IDO1: variants seen among roughly 807,000 people sequenced by gnomAD.
The protein encoded by IDO1 is indolamine 2,3 dioxygenase.
IDO1 carries 35 observed loss-of-function variants against 38.8 expected under a neutral mutation model. The observed-to-expected ratio is 0.90, with a 90% CI of 0.69 to 1.20. The LOEUF (loss-of-function observed/expected upper bound fraction) is 1.20, where lower values mean the gene tolerates loss of function less well. Ranked by LOEUF, IDO1 falls within the 50% of genes most tolerant of loss-of-function variation. The pLI is 0.00. For missense variants in IDO1, 509 were observed against 485.1 expected (o/e 1.05, Z -0.46); for synonymous variants, 171 against 170.0 (o/e 1.01, Z -0.05).
intron 9 of IDO1, among the ~76,000 whole-genome samples, chr8:39,925,901 T>A (rs1416301591): frequency 6.8e-6 from 1 of 148,114 alleles, no homozygotes; most frequent in Non-Finnish European, 1.5e-5. Flanking sequence ...AAATAAAAAA[T>A]AAAAAGCCAG....
At position 39,928,452 on chromosome 8, in the gene IDO1, G is replaced by T. The variant is rs558540924; in HGVS notation, c.*267G>T. The T allele has an allele frequency of 1.9e-4, 53 of 275,660 alleles. 1 individual carries two copies. In the South Asian group the frequency reaches 2.9e-3, roughly 15 times the overall value. 17.1% of individuals were successfully genotyped at this position (275,660 alleles called of 1,614,324 possible). A position where few individuals can be genotyped will look rare whatever the true frequency, so the allele number is the denominator to read the frequency against. On this transcript the variant is annotated 3_prime_UTR_variant, in exon 10 of 10. Coordinates refer to ENST00000518237, the MANE Select transcript of IDO1 (RefSeq NM_002164.6). ...AAAAATGCATAAGATATATTCTGTCGGCTGGGCGCGGTGGCTCACGCCTGT... is the reference window on the plus strand; with the variant it reads ...AAAAATGCATAAGATATATTCTGTCTGCTGGGCGCGGTGGCTCACGCCTGT...
At chr8:39,923,634 TC>T in intron 7 of IDO1, 48 bp downstream of exon 7, 1 of 1,115,048 alleles carries the variant, frequency 9.0e-7, no homozygotes, top group Non-Finnish European at 1.4e-6. Flanking sequence ...AGTCAAATGT[TC>T]CAGGTGTAGA....
intron 6 of IDO1, 160 bp downstream of exon 6, chr8:39,922,811 T>A: frequency 1.6e-6 from 1 of 626,820 alleles, no homozygotes; most frequent in Non-Finnish European, 2.8e-6. Flanking sequence ...TATTTTTGTG[T>A]ATTACCTAAA....
chr8:39,925,173 C>T, intron 8 of IDO1, 50 bp from the exon 9 acceptor site: 2 of 1,497,600 alleles, frequency 1.3e-6, no homozygotes, highest in African/African-American at 2.8e-5. Flanking sequence ...TGAAAATTAG[C>T]AATTAACCTA....
intron 1 of IDO1, 109 bp from the exon 2 acceptor site, chr8:39,917,766 C>T: frequency 4.3e-6 from 3 of 703,074 alleles, no homozygotes; most frequent in South Asian, 1.8e-5. Context: ...AAGCCATATG[C>T]CAGGGCAACA....
rs1226933228 is a variant in IDO1 at position 39,928,445 on chromosome 8, TTC to T, written c.*262_*263del. 3.2e-6 allele frequency: 1 copy of T among 312,326 alleles called. No individual in the cohort carries two copies. The highest frequency in any genetic ancestry group is 6.0e-6 in the Non-Finnish European group (1 of 167,840). 19.3% of individuals were successfully genotyped at this position (312,326 alleles called of 1,614,324 possible). On this transcript the variant is annotated 3_prime_UTR_variant, in exon 10 of 10. Transcript: ENST00000518237. ...AATAAATAAAAATGCATAAGATATA[TTC>T]TGTCGGCTGGGCGCGGTGGCTCACG...
chr8:39,924,639 C>CCATT (rs1807330394), intron 7 of IDO1, 82 bp from the exon 8 acceptor site: 2 of 973,372 alleles, frequency 2.1e-6, no homozygotes, highest in Non-Finnish European at 3.2e-6. Flanking sequence ...GTGCCAAAAT[C>CCATT]CATTATCAGT....
intron 9 of IDO1, 53 bp downstream of exon 9, chr8:39,925,424 T>C: frequency 2.0e-6 from 3 of 1,516,986 alleles, no homozygotes; most frequent in Non-Finnish European, 2.7e-6. Flanking sequence ...ACAATAGTAT[T>C]TGGATATCTA....
chr8:39,918,411 A>G, intron 3 of IDO1: 1 of 564,186 alleles, frequency 1.8e-6, no homozygotes, highest in Non-Finnish European at 3.1e-6. Flanking sequence ...TTCATTTTTC[A>G]TCCTGTATTT....
intron 1 of IDO1, among the ~76,000 whole-genome samples, chr8:39,916,728 T>C (rs1807180167): frequency 6.6e-6 from 1 of 152,222 alleles, no homozygotes; most frequent in African/African-American, 2.4e-5. Context: ...TAGCAGAATT[T>C]GAATGATCCT....
chr8:39,919,538 A>G (rs150827049), intron 4 of IDO1, among the ~76,000 whole-genome samples: 1 of 152,324 alleles, frequency 6.6e-6, no homozygotes, highest in Non-Finnish European at 1.5e-5. Context: ...TTTAGGCATA[A>G]GATCTGCTAC....
intron 6 of IDO1, 137 bp from the exon 7 acceptor site, chr8:39,923,332 A>C (rs1037519590): frequency 1.9e-6 from 1 of 528,674 alleles, no homozygotes; most frequent in East Asian, 3.5e-5. Flanking sequence ...TGAACCCGGG[A>C]GGCAGAGCTT....
intron 7 of IDO1, 142 bp from the exon 8 acceptor site, chr8:39,924,579 G>T: frequency 1.6e-6 from 1 of 609,778 alleles, no homozygotes. Context: ...ATGCTTATCT[G>T]CAGGGGCTTT....
chr8:39,925,494 G>A, intron 9 of IDO1, 123 bp downstream of exon 9: 2 of 976,778 alleles, frequency 2.0e-6, no homozygotes, highest in African/African-American at 1.7e-5. Context: ...GCAGAATCAG[G>A]CAAGTAGGGA....
At chr8:39,918,240 G>A (rs771984632) in intron 3 of IDO1, 33 bp downstream of exon 3, 4 of 1,588,458 alleles carry the variant, frequency 2.5e-6, no homozygotes, top group Admixed American at 1.7e-5. Context: ...CTTATGCTAT[G>A]TGACAGATTT....
At chr8:39,921,528 A>C (rs1408064229) in intron 5 of IDO1, among the ~76,000 whole-genome samples, 1 of 152,202 alleles carries the variant, frequency 6.6e-6, no homozygotes, top group Non-Finnish European at 1.5e-5. Flanking sequence ...ACAGTATCTT[A>C]AGGGAGAAAC....
intron 4 of IDO1, among the ~76,000 whole-genome samples, chr8:39,919,681 T>A (rs72643905): frequency 0.16 from 24,460 of 151,342 alleles, 2,092 homozygotes; most frequent in Admixed American, 0.2. Context: ...TTAGTTTTTT[T>A]AAAAAAAAAT....
chr8:39,925,308 G>A lies in IDO1; in HGVS notation c.793G>A (p.Gly265Ser). 6.2e-7 allele frequency: 1 copy of A among 1,613,196 alleles called. No individual in the cohort carries two copies. The highest frequency in any genetic ancestry group is 8.5e-7 in the Non-Finnish European group (1 of 1,179,632). The change falls in exon 9 of 10, where the codon GGC becomes AGC. Residue 265 changes from glycine (G) to serine (S), a missense_variant. Gly to Ser is a moderately conservative substitution (Grantham distance 56). Transcript: ENST00000518237. ...DPKEFAGGSA[G>S]QSSVFQCFDV... ...AAAGGAGTTTGCAGGGGGCAGTGCA[G>A]GCCAAAGCAGCGTCTTTCAGTGCTT... is the stretch of plus-strand genomic sequence containing the variant.
At chr8:39,927,617 T>A (rs2129592512) in intron 9 of IDO1, among the ~76,000 whole-genome samples, 1 of 151,116 alleles carries the variant, frequency 6.6e-6, no homozygotes, top group African/African-American at 2.4e-5. Flanking sequence ...TGAGTTTAGC[T>A]CATTCAGTTT....
Sources: gnomAD v4.1 joint callset for allele counts (sites outside exome capture counted in the v4.1 genomes callset) on GRCh38, gnomAD v4.1.1 for gene constraint, MANE v1.5 for transcripts, NCBI Gene and HGNC (gene_info 2026-07-23, HGNC 2026-07-21) for gene names.